The following CTNNA2 variants were observed in gnomAD, a reference collection of about 807,000 sequenced individuals.
CTNNA2 encodes the protein catenin alpha 2.
In CTNNA2, 42 loss-of-function variants were observed where a neutral mutation model predicts 101.0. That is an observed-to-expected ratio of 0.42 (90% CI 0.32 to 0.54). The LOEUF (loss-of-function observed/expected upper bound fraction) is 0.54, where lower values mean the gene tolerates loss of function less well. CTNNA2 is among the 20% of genes least tolerant of loss of function. CTNNA2 has a pLI of 0.14. For synonymous variants in CTNNA2, 450 were observed against 456.4 expected, an observed-to-expected ratio of 0.99 and a Z score of 0.18; for missense variants, 871 against 1,223.1, an observed-to-expected ratio of 0.71 and a Z score of 4.29.
chr2:80,313,414 G>A lies in CTNNA2; in HGVS notation c.1057-79797G>A. ...TTAGATAAAATGTGGTGCCTACCCTGTGTGTTCACAGTTCTGGAGTGGAGA... is the reference window on the plus strand; with the variant it reads ...TTAGATAAAATGTGGTGCCTACCCTATGTGTTCACAGTTCTGGAGTGGAGA... On this transcript the variant is annotated intron_variant, in intron 7 of 18. Transcript: ENST00000402739. 9 of 1,438,428 alleles carry A rather than the reference G, an allele frequency of 6.3e-6. 1 individual carries two copies. Among genetic ancestry groups the A allele is most frequent in the South Asian group, 3.1e-5 (2 of 64,714 alleles). 89.1% of individuals were successfully genotyped at this position (1,438,428 alleles called of 1,614,324 possible). A position where few individuals can be genotyped will look rare whatever the true frequency, so the allele number is the denominator to read the frequency against.
chr2:79,531,971 T>C (rs1672774783), intron 1 of CTNNA2, among the ~76,000 whole-genome samples: 2 of 152,104 alleles, frequency 1.3e-5, no homozygotes, highest in Admixed American at 6.6e-5. Flanking sequence ...TGAGCCACCG[T>C]ACCCAGACAT....
intron 1 of CTNNA2, among the ~76,000 whole-genome samples, chr2:79,626,927 A>C (rs79329615): frequency 0.023 from 3,528 of 152,210 alleles, 127 homozygotes; most frequent in African/African-American, 0.081. Flanking sequence ...ATAGCAATAA[A>C]ATTTAAAATA....
chr2:80,413,606 C>T (rs149109278), intron 8 of CTNNA2, among the ~76,000 whole-genome samples: 93 of 152,284 alleles, frequency 6.1e-4, no homozygotes, highest in African/African-American at 2.1e-3. Flanking sequence ...ACTGATTACC[C>T]TCATTGACCT....
chr2:80,248,009 TTTTC>T (rs1671460538), intron 7 of CTNNA2, among the ~76,000 whole-genome samples: 1 of 151,800 alleles, frequency 6.6e-6, no homozygotes, highest in African/African-American at 2.4e-5. Flanking sequence ...ATCATTTGTC[TTTTC>T]TTTATTTTTT....
chr2:79,937,354 C>T (rs13383571), intron 7 of CTNNA2, among the ~76,000 whole-genome samples: 2,202 of 152,262 alleles, frequency 0.014, 60 homozygotes, highest in African/African-American at 0.051. Context: ...TTTGAGAAAA[C>T]AACCTGCTCA....
At chr2:79,871,340 A>G (rs553299427) in intron 5 of CTNNA2, among the ~76,000 whole-genome samples, 9 of 152,318 alleles carry the variant, frequency 5.9e-5, no homozygotes, top group African/African-American at 2.2e-4. Flanking sequence ...TTTTATCAGC[A>G]GAATTCCTTG....
At chr2:79,961,438 G>A (rs1480147834) in intron 7 of CTNNA2, among the ~76,000 whole-genome samples, 1 of 152,134 alleles carries the variant, frequency 6.6e-6, no homozygotes, top group Non-Finnish European at 1.5e-5. Context: ...AAAGAGCTCT[G>A]AAACCTACCC....
At chr2:80,574,947 C>T (rs774174740) in intron 13 of CTNNA2, among the ~76,000 whole-genome samples, 3 of 152,098 alleles carry the variant, frequency 2.0e-5, no homozygotes, top group Non-Finnish European at 2.9e-5. Flanking sequence ...TTTAAAAACT[C>T]ATACAGCATC....
chr2:79,635,899 T>C (rs1249936071), intron 1 of CTNNA2, among the ~76,000 whole-genome samples: 4 of 151,854 alleles, frequency 2.6e-5, no homozygotes, highest in Non-Finnish European at 5.9e-5. Flanking sequence ...CATTTTGAAG[T>C]GCTTGGAAAC....
upstream of CTNNA2, among the ~76,000 whole-genome samples, chr2:79,509,091 A>AAAAAACTT (rs1028724396): frequency 2.7e-5 from 4 of 150,704 alleles, no homozygotes; most frequent in African/African-American, 9.7e-5. Flanking sequence ...GGTACAAAAC[A>AAAAAACTT]AAAAACTTAA....
intron 8 of CTNNA2, among the ~76,000 whole-genome samples, chr2:80,412,534 A>G (rs1679678510): frequency 6.6e-6 from 1 of 152,184 alleles, no homozygotes; most frequent in Non-Finnish European, 1.5e-5. Context: ...ATCAGAAATT[A>G]TTTTCAAGAT....
At chr2:79,686,460 A>C (rs921310696) in intron 2 of CTNNA2, among the ~76,000 whole-genome samples, 3 of 152,174 alleles carry the variant, frequency 2.0e-5, no homozygotes, top group Non-Finnish European at 1.5e-5. Flanking sequence ...ACTTAGCTGC[A>C]AAATACTTCA....
chr2:80,317,848 G>T lies in CTNNA2; in HGVS notation c.1057-75363G>T, dbSNP rs12475766. On this transcript the variant is annotated intron_variant, in intron 7 of 18. Transcript: ENST00000402739. ...GCAATCATCAGCTTCATGATGCTCAGATGTCAGTGTCCAGATACATCACCT... is the reference window on the plus strand; with the variant it reads ...GCAATCATCAGCTTCATGATGCTCATATGTCAGTGTCCAGATACATCACCT... 5.3e-3 allele frequency among the ~76,000 whole-genome samples: 811 copies of T among 152,296 alleles called. 2 individuals carry two copies. Among genetic ancestry groups the T allele is most frequent in the Non-Finnish European group, 8.7e-3 (590 of 68,024 alleles).
At chr2:79,221,090 A>C (rs1031852599) in intron 2 of CTNNA2, among the ~76,000 whole-genome samples, 3 of 152,228 alleles carry the variant, frequency 2.0e-5, no homozygotes, top group Non-Finnish European at 4.4e-5. Context: ...ATAAAGGAAC[A>C]AATTCAATAA....
At chr2:80,478,067 CT>C (rs901347631) in intron 9 of CTNNA2, among the ~76,000 whole-genome samples, 1 of 152,020 alleles carries the variant, frequency 6.6e-6, no homozygotes, top group Non-Finnish European at 1.5e-5. Context: ...GGTTTTTTGA[CT>C]TTTTAATAAT....
At chr2:80,408,674 C>T (rs1679280679) in intron 8 of CTNNA2, among the ~76,000 whole-genome samples, 2 of 152,138 alleles carry the variant, frequency 1.3e-5, no homozygotes, top group Non-Finnish European at 2.9e-5. Flanking sequence ...TCTTAGATCT[C>T]CCTTTGGAGC....
At chr2:80,608,096 A>G in intron 16 of CTNNA2, 88 bp from the exon 17 acceptor site, 1 of 1,368,038 alleles carries the variant, frequency 7.3e-7, no homozygotes, top group Non-Finnish European at 1.0e-6. Flanking sequence ...ATGACACTGA[A>G]AACTTTTCTT....
At chr2:79,678,299 T>G (rs1683324199) in intron 2 of CTNNA2, among the ~76,000 whole-genome samples, 1 of 152,092 alleles carries the variant, frequency 6.6e-6, no homozygotes, top group Non-Finnish European at 1.5e-5. Context: ...CCTAGCACTT[T>G]GGGAGCCCAA....
chr2:79,202,701 T>C (rs1572976636), intron 2 of CTNNA2, among the ~76,000 whole-genome samples: 1 of 151,980 alleles, frequency 6.6e-6, no homozygotes, highest in South Asian at 2.1e-4. Flanking sequence ...CCATACATTT[T>C]GGGGGTGGAA....
Sources: allele counts gnomAD v4.1 joint callset (sites outside exome capture counted in the v4.1 genomes callset), GRCh38; gene constraint gnomAD v4.1.1; transcripts MANE v1.5; gene names NCBI Gene and HGNC (gene_info 2026-07-23, HGNC 2026-07-21).